The following ELP4 variants were observed in gnomAD, a reference collection of about 807,000 sequenced individuals.
ELP4 encodes elongator acetyltransferase complex subunit 4, also known as elongator complex protein 4.
ELP4 carries 51 observed loss-of-function variants against 48.9 expected under a neutral mutation model. The observed-to-expected ratio is 1.04, with a 90% CI of 0.83 to 1.32. The LOEUF (loss-of-function observed/expected upper bound fraction) is 1.32. Among genes scored for constraint, ELP4 ranks in the 40% most tolerant of loss-of-function variants. ELP4 has a pLI of 0.00. For synonymous variants in ELP4, 210 were observed against 189.2 expected (o/e 1.11, Z -0.90); for missense variants, 519 against 514.6 (o/e 1.01, Z -0.08).
intron 3 of ELP4, among the ~76,000 whole-genome samples, chr11:31,552,552 G>A (rs759818778): frequency 3.9e-5 from 6 of 152,000 alleles, no homozygotes; most frequent in Non-Finnish European, 7.4e-5. Flanking sequence ...CACATCTTCT[G>A]TTTGCTCAAG....
At chr11:31,622,594 A>T (rs1944647778) in intron 5 of ELP4, among the ~76,000 whole-genome samples, 1 of 151,662 alleles carries the variant, frequency 6.6e-6, no homozygotes, top group Non-Finnish European at 1.5e-5. Context: ...TTGAATGGCA[A>T]CACTACTTTT....
At chr11:31,535,981 A>G (rs1275625132) in intron 2 of ELP4, among the ~76,000 whole-genome samples, 5 of 152,184 alleles carry the variant, frequency 3.3e-5, no homozygotes. Context: ...AATGTAAGGT[A>G]CTAAGCATCC....
intron 9 of ELP4, among the ~76,000 whole-genome samples, chr11:31,768,964 G>A (rs573495329): frequency 5.3e-5 from 8 of 152,256 alleles, no homozygotes; most frequent in Non-Finnish European, 7.4e-5. Context: ...GAAATACTTC[G>A]CAGACACTCT....
intron 7 of ELP4, among the ~76,000 whole-genome samples, chr11:31,638,536 A>G (rs1945027000): frequency 6.6e-6 from 1 of 151,846 alleles, no homozygotes; most frequent in Non-Finnish European, 1.5e-5. Context: ...AGGAAAATTC[A>G]TTTTCTGACG....
chr11:31,539,630 A>G (rs1956561489), intron 2 of ELP4, 32 bp from the exon 3 acceptor site: 1 of 1,573,964 alleles, frequency 6.4e-7, no homozygotes, highest in African/African-American at 1.4e-5. Flanking sequence ...TTCTTGCTAT[A>G]TGTTTCTAAC....
chr11:31,569,861 A>G (rs538289885), intron 3 of ELP4, among the ~76,000 whole-genome samples: 5 of 152,242 alleles, frequency 3.3e-5, no homozygotes, highest in Admixed American at 2.0e-4. Flanking sequence ...TAAAAAGTCA[A>G]TAATGTTTGT....
rs1946813277 is a variant in ELP4, at chr11:31,714,973, T to A, written c.1143+64752T>A. ...CCATGTAAGGTAACACATTACAGGT[T>A]CCAAAGACTGTGGTATGGACATTTT... On this transcript the variant is annotated intron_variant, in intron 9 of 9. Transcript: ENST00000640961. 7.6e-6 allele frequency: 3 copies of A among 395,920 alleles called. No homozygotes were observed. The South Asian group carries it at 4.3e-4, about 57-fold the overall frequency. 24.5% of individuals were successfully genotyped at this position (395,920 alleles called of 1,614,324 possible).
chr11:31,780,343 G>T (rs773165644), intron 9 of ELP4, among the ~76,000 whole-genome samples: 1 of 152,084 alleles, frequency 6.6e-6, no homozygotes, highest in African/African-American at 2.4e-5. Context: ...CTGACATGGC[G>T]CACAGGGGGA....
intron 2 of ELP4, among the ~76,000 whole-genome samples, chr11:31,535,836 T>G (rs188592485): frequency 2.2e-4 from 34 of 152,336 alleles, no homozygotes; most frequent in South Asian, 8.3e-4. Flanking sequence ...GTAACTGCAG[T>G]TTTGCCATAT....
intron 9 of ELP4, among the ~76,000 whole-genome samples, chr11:31,686,177 G>T (rs1946156063): frequency 6.6e-6 from 1 of 151,426 alleles, no homozygotes; most frequent in African/African-American, 2.4e-5. Context: ...TATTTATTTT[G>T]TCATGCTAGC....
intron 2 of ELP4, among the ~76,000 whole-genome samples, chr11:31,532,626 A>G (rs1232634347): frequency 6.6e-6 from 1 of 152,146 alleles, no homozygotes; most frequent in African/African-American, 2.4e-5. Flanking sequence ...ACTTTATGAA[A>G]GTTTTAATTC....
chr11:31,770,185 TC>T (rs915288343), intron 9 of ELP4, among the ~76,000 whole-genome samples: 5 of 152,104 alleles, frequency 3.3e-5, no homozygotes, highest in African/African-American at 7.2e-5. Context: ...TATTGTGTGT[TC>T]CAGAGCCACA....
chr11:31,556,609 A>AT (rs1378115472), intron 3 of ELP4, among the ~76,000 whole-genome samples: 1 of 151,938 alleles, frequency 6.6e-6, no homozygotes, highest in Non-Finnish European at 1.5e-5. Flanking sequence ...GTTTCATAAT[A>AT]TGCCAAAGTC....
In ELP4 at chr11:31,746,873, A is replaced by C. The variant is rs1592276637; in HGVS notation, c.1144-36520A>C. 2.0e-5 allele frequency among the ~76,000 whole-genome samples: 3 copies of C among 152,290 alleles called. No homozygotes were observed. In the South Asian group the frequency reaches 6.2e-4, roughly 32 times the overall value. ...CTGCACGTTGTGCACATGTACCCTAAAACTTAAAGTATAATAATAATAATA... is the reference window on the plus strand; with the variant it reads ...CTGCACGTTGTGCACATGTACCCTACAACTTAAAGTATAATAATAATAATA... On this transcript the variant is annotated intron_variant, in intron 9 of 9. Coordinates refer to ENST00000640961, the MANE Select transcript of ELP4 (RefSeq NM_019040.5).
chr11:31,575,302 ATCTATG>A (rs1285964841), intron 3 of ELP4, among the ~76,000 whole-genome samples: 5 of 152,226 alleles, frequency 3.3e-5, no homozygotes, highest in African/African-American at 1.2e-4. Flanking sequence ...AAAAGACCAA[ATCTATG>A]TCTGATTGGT....
At chr11:31,555,542 T>A (rs1956917313) in intron 3 of ELP4, among the ~76,000 whole-genome samples, 1 of 151,916 alleles carries the variant, frequency 6.6e-6, no homozygotes, top group African/African-American at 2.4e-5. Flanking sequence ...TATGCCATTC[T>A]CATTTTACTA....
chr11:31,571,808 G>T (rs1168137423), intron 3 of ELP4, among the ~76,000 whole-genome samples: 1 of 152,152 alleles, frequency 6.6e-6, no homozygotes, highest in Non-Finnish European at 1.5e-5. Context: ...TGAAAGGATT[G>T]TTTTTTCTGA....
At chr11:31,609,386 T>A (rs1159521479) in intron 5 of ELP4, among the ~76,000 whole-genome samples, 1 of 152,162 alleles carries the variant, frequency 6.6e-6, no homozygotes, top group Non-Finnish European at 1.5e-5. Context: ...TTGCACCATA[T>A]GTTAGGAGCA....
intron 9 of ELP4, among the ~76,000 whole-genome samples, chr11:31,743,230 C>G (rs1265826387): frequency 7.9e-5 from 12 of 152,120 alleles, no homozygotes; most frequent in Non-Finnish European, 1.8e-4. Flanking sequence ...AATACAGGAG[C>G]ACCCAGATTC....
Sources: gnomAD v4.1 joint callset for allele counts (sites outside exome capture counted in the v4.1 genomes callset) on GRCh38, gnomAD v4.1.1 for gene constraint, MANE v1.5 for transcripts, NCBI Gene and HGNC (gene_info 2026-07-23, HGNC 2026-07-21) for gene names.